Variants in KLF17 observed in about 807,000 individuals in gnomAD.
KLF17 encodes KLF transcription factor 17, also known as Krueppel-like factor 17.
In KLF17, 31 loss-of-function variants were observed where a neutral mutation model predicts 34.2. That is an observed-to-expected ratio of 0.91 (90% CI 0.68 to 1.22). The LOEUF (loss-of-function observed/expected upper bound fraction) is 1.22. Ranked by LOEUF, KLF17 falls within the 50% of genes most tolerant of loss-of-function variation. KLF17 has a pLI of 0.00. For missense variants in KLF17, 478 were observed against 505.2 expected, an observed-to-expected ratio of 0.95 and a Z score of 0.52; for synonymous variants, 179 against 186.7, an observed-to-expected ratio of 0.96 and a Z score of 0.34.
At chr1:44,119,593 C>T (rs2087923923) in intron 1 of KLF17, among the ~76,000 whole-genome samples, 1 of 152,126 alleles carries the variant, frequency 6.6e-6, no homozygotes, top group Non-Finnish European at 1.5e-5. Context: ...CGCGTGGGAG[C>T]AGATACCAGA....
the KLF17 span, among the ~76,000 whole-genome samples, chr1:44,102,750 C>T: frequency 6.6e-5 from 10 of 152,000 alleles, no homozygotes; most frequent in East Asian, 1.9e-4. Flanking sequence ...ACCATTCTGG[C>T]GCAGGATGTT....
In KLF17 at chr1:44,134,262, G is replaced by A. The variant is rs1340914300; in HGVS notation, c.*1025G>A. ...GTACACAAATTGGGCCCGGCGCGATGGCTCACGCCTGTAATCCCAGCACTT... is the reference window on the plus strand; with the variant it reads ...GTACACAAATTGGGCCCGGCGCGATAGCTCACGCCTGTAATCCCAGCACTT... On this transcript the variant is annotated 3_prime_UTR_variant, in exon 4 of 4. Transcript: ENST00000372299. The A allele has an allele frequency of 1.3e-5, 2 of 152,278 alleles. No homozygotes were observed. Among genetic ancestry groups the A allele is most frequent in the Admixed American group, 6.5e-5 (1 of 15,282 alleles). 9.4% of individuals were successfully genotyped at this position (152,278 alleles called of 1,614,324 possible). A position where few individuals can be genotyped will look rare whatever the true frequency, so the allele number is the denominator to read the frequency against.
At chr1:44,046,810 G>A in the KLF17 span, among the ~76,000 whole-genome samples, 1 of 152,138 alleles carries the variant, frequency 6.6e-6, no homozygotes, top group African/African-American at 2.4e-5. Flanking sequence ...ATCACTTGAG[G>A]TCAGGAGTTC....
At chr1:44,082,659 A>C in the KLF17 span, among the ~76,000 whole-genome samples, 2 of 152,236 alleles carry the variant, frequency 1.3e-5, no homozygotes, top group African/African-American at 4.8e-5. Flanking sequence ...GATTTTTGAC[A>C]CACAAAAGCC....
chr1:44,074,798 C>T, the KLF17 span: 1 of 152,216 alleles, frequency 6.6e-6, no homozygotes, highest in African/African-American at 2.4e-5. Flanking sequence ...AACAATCTGA[C>T]TTCTCAGAAG....
chr1:44,101,307 T>G, the KLF17 span, among the ~76,000 whole-genome samples: 1 of 152,218 alleles, frequency 6.6e-6, no homozygotes, highest in East Asian at 1.9e-4. Context: ...TTATACTAAA[T>G]GGTCTTATTC....
chr1:44,095,189 C>A, the KLF17 span, among the ~76,000 whole-genome samples: 1 of 149,880 alleles, frequency 6.7e-6, no homozygotes, highest in African/African-American at 2.5e-5. Context: ...GCATGAGCCA[C>A]CATGCCCGGC....
chr1:44,111,764 G>A, the KLF17 span, among the ~76,000 whole-genome samples: 4 of 152,070 alleles, frequency 2.6e-5, no homozygotes, highest in South Asian at 2.1e-4. Context: ...GTGGTGGCAC[G>A]CTCCTGTAGT....
chr1:44,082,648 G>A, the KLF17 span, among the ~76,000 whole-genome samples: 1 of 152,132 alleles, frequency 6.6e-6, no homozygotes. Context: ...TTTTATCCCT[G>A]GATTTTTGAC....
At chr1:44,131,299 G>A (rs1465943644) in intron 3 of KLF17, among the ~76,000 whole-genome samples, 2 of 152,152 alleles carry the variant, frequency 1.3e-5, no homozygotes, top group Admixed American at 6.6e-5. Context: ...AGTCAGATGC[G>A]AATGTGGAGC....
At chr1:44,097,275 G>A in the KLF17 span, among the ~76,000 whole-genome samples, 2 of 152,126 alleles carry the variant, frequency 1.3e-5, no homozygotes, top group African/African-American at 2.4e-5. Flanking sequence ...TAGCCTTGTA[G>A]TATAGTTTGA....
chr1:44,127,654 C>CTTTTCT (rs1491193905), intron 1 of KLF17, among the ~76,000 whole-genome samples: 5 of 48,538 alleles, frequency 1.0e-4, no homozygotes, highest in African/African-American at 3.8e-4. Context: ...TTCTTTCTTT[C>CTTTTCT]TTTCTTTCTT....
the KLF17 span, among the ~76,000 whole-genome samples, chr1:44,069,661 C>G: frequency 1.3e-5 from 2 of 152,210 alleles, no homozygotes; most frequent in Admixed American, 1.3e-4. The surrounding 1 kb of genome is among the most constrained non-coding windows in gnomAD (Gnocchi z 4.7). Flanking sequence ...ACCTCCAACA[C>G]TGGGGATCAC....
At chr1:44,069,295 T>A in the KLF17 span, among the ~76,000 whole-genome samples, 2 of 152,174 alleles carry the variant, frequency 1.3e-5, no homozygotes, top group Non-Finnish European at 2.9e-5. The surrounding 1 kb of genome is among the most constrained non-coding windows in gnomAD (Gnocchi z 4.7). Flanking sequence ...CCTTATGTGT[T>A]AGTCTGTTCT....
intron 1 of KLF17, chr1:44,122,247 G>A: frequency 3.1e-6 from 5 of 1,603,944 alleles, no homozygotes; most frequent in Non-Finnish European, 1.7e-6. Context: ...CCTTTTCTTA[G>A]ATTTCACCTT....
chr1:44,058,028 G>C, the KLF17 span, among the ~76,000 whole-genome samples: 1 of 152,204 alleles, frequency 6.6e-6, no homozygotes, highest in Admixed American at 6.5e-5. Flanking sequence ...AAACGCATTA[G>C]AAGTGCCAAT....
chr1:44,107,679 G>A, the KLF17 span, among the ~76,000 whole-genome samples: 1 of 152,072 alleles, frequency 6.6e-6, no homozygotes, highest in Non-Finnish European at 1.5e-5. Flanking sequence ...AAAGGTCTCG[G>A]TTATCAGATC....
chr1:44,070,257 T>C, the KLF17 span, among the ~76,000 whole-genome samples: 1 of 152,204 alleles, frequency 6.6e-6, no homozygotes, highest in Non-Finnish European at 1.5e-5. Flanking sequence ...ATATTTTGTA[T>C]AGTGGTGAAG....
chr1:44,094,001 C>T, the KLF17 span, among the ~76,000 whole-genome samples: 1 of 152,188 alleles, frequency 6.6e-6, no homozygotes, highest in Non-Finnish European at 1.5e-5. Context: ...GTCTGAACTA[C>T]GTGAGTCCAC....
Sources: allele counts gnomAD v4.1 joint callset (sites outside exome capture counted in the v4.1 genomes callset), GRCh38; gene constraint gnomAD v4.1.1; non-coding constraint Gnocchi (gnomAD v3.1); transcripts MANE v1.5; gene names NCBI Gene and HGNC (gene_info 2026-07-23, HGNC 2026-07-21).